The following HERC2 variants were observed in gnomAD, a reference collection of about 807,000 sequenced individuals.
HERC2 encodes the protein E3 ubiquitin-protein ligase HERC2.
HERC2 carries 102 observed loss-of-function variants against 537.7 expected under a neutral mutation model. That is an observed-to-expected ratio of 0.19 (90% CI 0.16 to 0.22). The LOEUF (loss-of-function observed/expected upper bound fraction) is 0.22. Among genes scored for constraint, HERC2 ranks in the 10% least tolerant of loss-of-function variants. HERC2 has a pLI of 1.00. For synonymous variants in HERC2, 2,224 were observed against 2,466.2 expected (o/e 0.90, Z 2.91); for missense variants, 4,236 against 6,198.2 (o/e 0.68, Z 10.63).
rs1394622034 is a variant in HERC2 at position 28,229,481 on chromosome 15, A to G, written c.5099T>C (p.Ile1700Thr). ...YAMFCGWQRL[I>T]PEGIDIGEPL... ...TTACCCTATATCGATTCCCTCAGGAATAAGTCTTTGCCATCCACAAAACAT... is the reference window on the plus strand; with the variant it reads ...TTACCCTATATCGATTCCCTCAGGAGTAAGTCTTTGCCATCCACAAAACAT... Residue 1700 changes from isoleucine (I) to threonine (T), a missense_variant, in exon 33 of 93, where the codon ATT (isoleucine) becomes ACT (threonine). Around this residue, in one of 27 missense-constraint regions of HERC2, gnomAD observed 343 missense variants for 417.2 expected, o/e 0.82. Coordinates refer to ENST00000261609, the MANE Select transcript of HERC2 (RefSeq NM_004667.6). 2.5e-6 allele frequency: 4 copies of G among 1,613,966 alleles called. No homozygotes were observed. The highest frequency in any genetic ancestry group is 2.2e-5 in the East Asian group (1 of 44,886).
chr15:28,210,387 C>T (rs1172303711), intron 44 of HERC2, among the ~76,000 whole-genome samples: 2 of 152,170 alleles, frequency 1.3e-5, no homozygotes, highest in Non-Finnish European at 2.9e-5. Context: ...CCGCCCGCCT[C>T]GGCCTCCCAA....
At chr15:28,173,171 A>C (rs1894860812) in intron 65 of HERC2, among the ~76,000 whole-genome samples, 1 of 152,206 alleles carries the variant, frequency 6.6e-6, no homozygotes, top group Non-Finnish European at 1.5e-5. Context: ...AGCGATCTTA[A>C]GAAGCTAGAC....
Position 28,176,853 on chromosome 15 carries a change from A to G in HERC2, c.9433-85T>C. 6.3e-7 allele frequency: 1 copy of G among 1,575,348 alleles called. No homozygotes were observed. ...TTCCCACAGATAAAGCCAACCATGC[A>G]CACATCTTTATGAACTTTCCTAGAC... On this transcript the variant is annotated intron_variant, in intron 61 of 92. Transcript: ENST00000261609. The surrounding 1 kb of genome is among the most constrained non-coding windows in gnomAD (Gnocchi z 5.0).
chr15:28,145,295 C>T (rs1891621968), intron 71 of HERC2, among the ~76,000 whole-genome samples: 2 of 152,238 alleles, frequency 1.3e-5, no homozygotes, highest in Non-Finnish European at 2.9e-5. Flanking sequence ...GAGCAGAGGG[C>T]CTGGCTGCTG....
intron 20 of HERC2, among the ~76,000 whole-genome samples, chr15:28,250,193 A>G (rs1282618480): frequency 2.0e-5 from 3 of 152,150 alleles, no homozygotes; most frequent in African/African-American, 7.2e-5. Context: ...CGTGGCTCAC[A>G]CCAGAAAAAA....
intron 2 of HERC2, among the ~76,000 whole-genome samples, chr15:28,318,266 G>GT (rs2077142407): frequency 6.6e-6 from 1 of 152,058 alleles, no homozygotes; most frequent in Admixed American, 6.6e-5. Flanking sequence ...GCTCTGTAAC[G>GT]TATTACTCTT....
Position 28,116,781 on chromosome 15 carries a change from G to GT in HERC2, c.13492dup (p.Thr4498AsnfsTer13). ...GTTGGGTGTCACGATCAGCAGGGGC[G>GT]TGAGTCCGTTCTGCAGCTCCTCACA... On this transcript the variant is annotated frameshift_variant, in exon 88 of 93. Coordinates refer to ENST00000261609, the MANE Select transcript of HERC2 (RefSeq NM_004667.6). LOFTEE classifies it high-confidence loss of function. 1 of 1,613,826 alleles carries GT rather than the reference G, an allele frequency of 6.2e-7. No individual in the cohort carries two copies.
At chr15:28,240,892 A>G (rs1296752346) in intron 23 of HERC2, among the ~76,000 whole-genome samples, 1 of 152,200 alleles carries the variant, frequency 6.6e-6, no homozygotes, top group African/African-American at 2.4e-5. Flanking sequence ...ACAAAAACTA[A>G]CTCAAAATGG....
chr15:28,320,712 A>T lies in HERC2; in HGVS notation c.72+650T>A, dbSNP rs564781016. 4.6e-5 allele frequency among the ~76,000 whole-genome samples: 7 copies of T among 151,672 alleles called. No homozygotes were observed. In the South Asian group the frequency reaches 1.2e-3, roughly 27 times the overall value. On this transcript the variant is annotated intron_variant, in intron 2 of 92. Transcript: ENST00000261609. ...TTCCAAGCCATTTCCAAATAAAAGT[A>T]GATTGGGTGTAAATAATTGTCTATC...
intron 36 of HERC2, among the ~76,000 whole-genome samples, chr15:28,220,937 G>A (rs953374628): frequency 2.9e-5 from 4 of 136,036 alleles, no homozygotes; most frequent in Admixed American, 1.5e-4. Context: ...CACCAGACCT[G>A]TTAGGAGGGT....
intron 2 of HERC2, among the ~76,000 whole-genome samples, chr15:28,312,549 T>G (rs1423906754): frequency 6.6e-6 from 1 of 152,168 alleles, no homozygotes; most frequent in Admixed American, 6.5e-5. Flanking sequence ...GACGGTCACC[T>G]GCACCCAGGA....
At chr15:28,209,292 AT>A (rs1210050462) in intron 44 of HERC2, among the ~76,000 whole-genome samples, 7 of 152,174 alleles carry the variant, frequency 4.6e-5, no homozygotes, top group Admixed American at 1.3e-4. Context: ...TTAAAATATA[AT>A]TTTAAAAAGA....
chr15:28,143,397 A>G (rs1371195143), intron 74 of HERC2, among the ~76,000 whole-genome samples: 1 of 152,188 alleles, frequency 6.6e-6, no homozygotes, highest in Non-Finnish European at 1.5e-5. Context: ...CTCAGTATAC[A>G]CTGCAACATA....
intron 44 of HERC2, among the ~76,000 whole-genome samples, chr15:28,209,940 C>CTTTTTTTT (rs1164101918): frequency 1.3e-5 from 1 of 77,344 alleles, no homozygotes; most frequent in Non-Finnish European, 2.2e-5. Context: ...AATACATTAT[C>CTTTTTTTT]TTTTTTTTTT....
chr15:28,242,622 T>C lies in HERC2; in HGVS notation c.3577+3259A>G, dbSNP rs1386467809. On this transcript the variant is annotated intron_variant, in intron 23 of 92. Coordinates refer to ENST00000261609, the MANE Select transcript of HERC2 (RefSeq NM_004667.6). ...TGAAAAAATTACAAGGAAAATGAGATGCAAAATCTAGAAAAATTACAACTA... is the reference window on the plus strand; with the variant it reads ...TGAAAAAATTACAAGGAAAATGAGACGCAAAATCTAGAAAAATTACAACTA... 2.0e-5 allele frequency among the ~76,000 whole-genome samples: 3 copies of C among 152,190 alleles called. No homozygotes were observed. The East Asian group carries it at 5.8e-4, about 29-fold the overall frequency.
intron 35 of HERC2, among the ~76,000 whole-genome samples, chr15:28,227,381 T>C (rs187965538): frequency 6.6e-6 from 1 of 150,986 alleles, no homozygotes; most frequent in Non-Finnish European, 1.5e-5. Flanking sequence ...AAGCTCAATG[T>C]CATTCATCAT....
chr15:28,130,635 G>T (rs770682619), intron 81 of HERC2, 41 bp from the exon 82 acceptor site: 4 of 1,373,002 alleles, frequency 2.9e-6, no homozygotes, highest in Admixed American at 1.7e-5. Context: ...CAGCAACAAG[G>T]CTCCTGCTGA....
chr15:28,231,484 G>A (rs1278649610), intron 30 of HERC2, among the ~76,000 whole-genome samples: 2 of 152,176 alleles, frequency 1.3e-5, no homozygotes, highest in African/African-American at 4.8e-5. Flanking sequence ...GGCACTGCCT[G>A]CGTATGTGAC....
At chr15:28,141,071 C>T (rs557791953) in intron 78 of HERC2, among the ~76,000 whole-genome samples, 2 of 151,798 alleles carry the variant, frequency 1.3e-5, no homozygotes, top group African/African-American at 2.4e-5. Context: ...AAACCTGTCT[C>T]TACTAAAAAT....
Sources: gnomAD v4.1 joint callset for allele counts (sites outside exome capture counted in the v4.1 genomes callset) on GRCh38, gnomAD v4.1.1 for gene constraint, gnomAD v4.1.1 regional missense constraint, Gnocchi (gnomAD v3.1) non-coding constraint, MANE v1.5 for transcripts, NCBI Gene and HGNC (gene_info 2026-07-23, HGNC 2026-07-21) for gene names.